VPS26A: variants seen among roughly 807,000 people sequenced by gnomAD.
The protein encoded by VPS26A is VPS26 retromer complex component A, also known as vacuolar protein sorting-associated protein 26A.
In VPS26A, 22 loss-of-function variants were observed where a neutral mutation model predicts 42.4. The observed-to-expected ratio is 0.52, with a 90% CI of 0.37 to 0.74. VPS26A has a LOEUF of 0.74. Among genes scored for constraint, VPS26A ranks in the 30% least tolerant of loss-of-function variants. VPS26A has a pLI of 0.00. For missense variants in VPS26A, 276 were observed against 379.2 expected (o/e 0.73, Z 2.26); for synonymous variants, 110 against 123.5 (o/e 0.89, Z 0.73).
At chr10:69,148,139 A>G (rs1355348820) in intron 2 of VPS26A, among the ~76,000 whole-genome samples, 1 of 152,212 alleles carries the variant, frequency 6.6e-6, no homozygotes, top group Non-Finnish European at 1.5e-5. Context: ...TATTGTATCT[A>G]TTTAAGGTAA....
chr10:69,168,342 A>G, intron 7 of VPS26A, 147 bp from the exon 8 acceptor site: 1 of 871,192 alleles, frequency 1.1e-6, no homozygotes, highest in Non-Finnish European at 1.8e-6. Flanking sequence ...AAATATCAGT[A>G]CTACTGAGGA....
chr10:69,147,793 A>G (rs1371121636), intron 2 of VPS26A, among the ~76,000 whole-genome samples: 3 of 151,976 alleles, frequency 2.0e-5, no homozygotes, highest in East Asian at 1.9e-4. Flanking sequence ...GCTCACTGCA[A>G]CCTCCACCTT....
At chr10:69,151,822 T>C (rs1322585408) in intron 2 of VPS26A, among the ~76,000 whole-genome samples, 2 of 152,250 alleles carry the variant, frequency 1.3e-5, no homozygotes, top group Non-Finnish European at 2.9e-5. Context: ...TTTTCAAAAA[T>C]ATAATTTTTT....
At chr10:69,135,780 AAC>A (rs1023107154) in intron 2 of VPS26A, among the ~76,000 whole-genome samples, 4 of 152,032 alleles carry the variant, frequency 2.6e-5, no homozygotes, top group East Asian at 1.9e-4. Flanking sequence ...TTATTGAAAA[AAC>A]ACGTGTAGAA....
At position 69,174,051 on chromosome 10, in the gene VPS26A, A is replaced by C. The variant is rs1841878204; in HGVS notation, c.*2782A>C. 6.6e-6 allele frequency among the ~76,000 whole-genome samples: 1 copy of C among 152,194 alleles called. No homozygotes were observed. The highest frequency in any genetic ancestry group is 2.1e-4 in the South Asian group (1 of 4,830). On this transcript the variant is annotated 3_prime_UTR_variant, in exon 9 of 9. Coordinates refer to ENST00000263559, the MANE Select transcript of VPS26A (RefSeq NM_004896.5). ...GACGTGGGCGGGGACAAATAAGAGA[A>C]TAAAAGCTGGCCACCCCCCAGCCAG...
intron 2 of VPS26A, among the ~76,000 whole-genome samples, chr10:69,151,282 A>AAAAAAAACAAAAAACAAAAAACACAC (rs71035063): frequency 1.5e-5 from 2 of 136,776 alleles, no homozygotes; most frequent in African/African-American, 6.6e-5. Context: ...AAAAAAAAAA[A>AAAAAAAACAAAAAACAAAAAACACAC]ACACACACAC....
Position 69,155,832 on chromosome 10 carries a change from A to G in VPS26A, c.174A>G (p.Gln58=). Residue 58 remains glutamine, a synonymous_variant, in exon 3 of 9, where the codon CAA becomes CAG. Coordinates refer to ENST00000263559, the MANE Select transcript of VPS26A (RefSeq NM_004896.5). ...GGCAGGTAAACCTAGCCTTTAAGCA[A>G]CCTGGAAAGAGGCTAGAACACCAAG... ...VSGKVNLAFK[Q]PGKRLEHQGI... The G allele has an allele frequency of 1.9e-6, 3 of 1,612,456 alleles. No homozygotes were observed. The highest frequency in any genetic ancestry group is 2.7e-5 in the African/African-American group (2 of 74,996).
At chr10:69,139,471 T>G (rs1840993263) in intron 2 of VPS26A, among the ~76,000 whole-genome samples, 1 of 152,012 alleles carries the variant, frequency 6.6e-6, no homozygotes, top group Non-Finnish European at 1.5e-5. Flanking sequence ...GTCTGGCTAG[T>G]TTTTAAATTT....
chr10:69,146,944 G>C (rs1159167628), intron 2 of VPS26A, among the ~76,000 whole-genome samples: 1 of 152,180 alleles, frequency 6.6e-6, no homozygotes, highest in Non-Finnish European at 1.5e-5. Flanking sequence ...GATCTTAGCA[G>C]TAGAATTGCT....
chr10:69,163,081 A>G (rs1440377278), intron 6 of VPS26A, among the ~76,000 whole-genome samples: 2 of 152,188 alleles, frequency 1.3e-5, no homozygotes, highest in Non-Finnish European at 2.9e-5. Flanking sequence ...ATCTTAGAGA[A>G]CTTTCCATAA....
Position 69,171,177 on chromosome 10 carries a change from G to T in VPS26A, c.892G>T (p.Ala298Ser), listed in dbSNP as rs755470681. ...KQQEIILWRK[A>S]PEKLRKQRTN... ...CTAGGAGATAATTTTATGGAGAAAA[G>T]CTCCTGAAAAACTGAGGAAACAGAG... Residue 298 changes from alanine to serine, a missense_variant, in exon 9 of 9, where the codon GCT becomes TCT. Transcript: ENST00000263559. The T allele has an allele frequency of 3.4e-5, 55 of 1,611,540 alleles. No individual in the cohort carries two copies. In the Admixed American group the frequency reaches 9.2e-4, roughly 27 times the overall value.
chr10:69,166,025 T>G lies in VPS26A; in HGVS notation c.659-17T>G. On this transcript the variant is annotated splice_polypyrimidine_tract_variant and intron_variant, in intron 6 of 8. Coordinates refer to ENST00000263559, the MANE Select transcript of VPS26A (RefSeq NM_004896.5). ...TCTGGAATATTTAAATTAATGTTATTTACATTATTGCACTAGGACCCAGTA... is the reference window on the plus strand; with the variant it reads ...TCTGGAATATTTAAATTAATGTTATGTACATTATTGCACTAGGACCCAGTA... The G allele has an allele frequency of 6.2e-7, 1 of 1,602,014 alleles. No individual in the cohort carries two copies. The highest frequency in any genetic ancestry group is 1.1e-5 in the South Asian group (1 of 89,814).
At chr10:69,152,109 T>C (rs1421373627) in intron 2 of VPS26A, among the ~76,000 whole-genome samples, 1 of 152,092 alleles carries the variant, frequency 6.6e-6, no homozygotes, top group Non-Finnish European at 1.5e-5. Context: ...TTTGGGAGGC[T>C]GAGGTGGGAG....
chr10:69,136,761 T>C (rs991299466), intron 2 of VPS26A, among the ~76,000 whole-genome samples: 2 of 151,754 alleles, frequency 1.3e-5, no homozygotes, highest in South Asian at 4.1e-4. Flanking sequence ...GCTTGACCTT[T>C]TTCCTTTTTT....
At chr10:69,160,302 G>A (rs1841527174) in intron 5 of VPS26A, among the ~76,000 whole-genome samples, 2 of 151,634 alleles carry the variant, frequency 1.3e-5, no homozygotes, top group South Asian at 4.2e-4. Context: ...TGGGATTACA[G>A]GTGCCTGCCA....
intron 1 of VPS26A, among the ~76,000 whole-genome samples, chr10:69,126,643 C>A (rs1564670395): frequency 6.6e-6 from 1 of 151,626 alleles, no homozygotes; most frequent in African/African-American, 2.4e-5. Context: ...AAATTTTATT[C>A]TCTTTCCTTC....
chr10:69,171,413 G>T lies in VPS26A; in HGVS notation c.*144G>T, dbSNP rs13376784. 3.4e-6 allele frequency: 2 copies of T among 595,002 alleles called. No homozygotes were observed. Among genetic ancestry groups the T allele is most frequent in the South Asian group, 2.2e-5 (1 of 45,232 alleles). The allele number at this position is 595,002 out of a possible 1,614,324, so 36.9% of individuals were successfully genotyped here. ...TAGTCTTCCTTTATCTTACAGCGCA[G>T]CATTTATTTTATGATATAATGAAAT... On this transcript the variant is annotated 3_prime_UTR_variant, in exon 9 of 9. Coordinates refer to ENST00000263559, the MANE Select transcript of VPS26A (RefSeq NM_004896.5).
At position 69,167,933 on chromosome 10, in the gene VPS26A, T is replaced by C. The variant is rs1036880304; in HGVS notation, c.728-556T>C. Among the ~76,000 whole-genome samples, 11 of 152,140 alleles carry C rather than the reference T, an allele frequency of 7.2e-5. 1 individual carries two copies. Among genetic ancestry groups the C allele is most frequent in the Admixed American group, 2.0e-4 (3 of 15,266 alleles). ...TGATTAGAAATTATGGTAAACTTCA[T>C]GAAAGAAGATAACAAAACAACTTAT... On this transcript the variant is annotated intron_variant, in intron 7 of 8. Transcript: ENST00000263559.
intron 2 of VPS26A, among the ~76,000 whole-genome samples, chr10:69,146,196 GC>G (rs1391725345): frequency 2.6e-5 from 4 of 152,172 alleles, no homozygotes; most frequent in Non-Finnish European, 2.9e-5. Context: ...CTGGGTTCAA[GC>G]AATTCTCTTG....
Sources: allele counts gnomAD v4.1 joint callset (sites outside exome capture counted in the v4.1 genomes callset), GRCh38; gene constraint gnomAD v4.1.1; transcripts MANE v1.5; gene names NCBI Gene and HGNC (gene_info 2026-07-23, HGNC 2026-07-21).